The following ANKRD18B variants were observed in gnomAD, a reference collection of about 807,000 sequenced individuals.
ANKRD18B encodes ankyrin repeat domain-containing protein 18B.
A neutral mutation model predicts 111.8 loss-of-function variants in ANKRD18B; 75 were observed. The observed-to-expected ratio is 0.67, with a 90% confidence interval of 0.56 to 0.81. The LOEUF (loss-of-function observed/expected upper bound fraction) is 0.81. Among genes scored for constraint, ANKRD18B ranks in the 40% least tolerant of loss-of-function variants. The pLI, the probability that ANKRD18B is intolerant of heterozygous loss-of-function variation, is 0.00. For missense variants in ANKRD18B, 1,038 were observed against 1,225.5 expected (o/e 0.85, Z 2.28); for synonymous variants, 356 against 417.3 (o/e 0.85, Z 1.79).
rs371977538 is a variant in ANKRD18B, at chr9:33,529,063, A to G, written c.385A>G (p.Ile129Val). 3.5e-5 allele frequency: 56 copies of G among 1,612,110 alleles called. 1 individual carries two copies. In the East Asian group the frequency reaches 4.7e-4, roughly 13 times the overall value. Residue 129 changes from isoleucine to valine, a missense_variant, in exon 3 of 19, where the codon ATT (isoleucine) becomes GTT (valine). This residue lies in a region of ANKRD18B where 216 missense variants were observed against 205.1 expected (regional missense o/e 1.05). Transcript: ENST00000684830. The part of the protein sequence containing the change: ...ILLKRGANPN[I>V]KDIYGNTALH... ...CCTGAAACGTGGCGCCAATCCAAAC[A>G]TTAAGGATATCTACGGCAACACTGC...
intron 9 of ANKRD18B, among the ~76,000 whole-genome samples, chr9:33,542,236 A>G (rs1828289285): frequency 6.7e-6 from 1 of 150,102 alleles, no homozygotes; most frequent in African/African-American, 2.5e-5. Flanking sequence ...CAAAGACCTG[A>G]TGTGCAGCTC....
chr9:33,562,701 C>T (rs1344782236), intron 14 of ANKRD18B, among the ~76,000 whole-genome samples: 4 of 152,116 alleles, frequency 2.6e-5, no homozygotes, highest in East Asian at 1.9e-4. Context: ...TGCAAACAAA[C>T]GTGAAGTAAG....
chr9:33,568,996 A>G, intron 17 of ANKRD18B, 103 bp downstream of exon 17: 2 of 1,102,518 alleles, frequency 1.8e-6, no homozygotes, highest in South Asian at 4.3e-5. Flanking sequence ...TATGCATGTT[A>G]AGTAAAGATT....
chr9:33,532,644 A>G (rs1828134608), intron 3 of ANKRD18B, among the ~76,000 whole-genome samples: 1 of 152,152 alleles, frequency 6.6e-6, no homozygotes, highest in Admixed American at 6.5e-5. Context: ...TTTGAAGCCA[A>G]TCTCTCTTAA....
rs1271081373 is a variant in ANKRD18B at position 33,529,217 on chromosome 9, T to C, written c.495+44T>C. On this transcript the variant is annotated intron_variant, in intron 3 of 18. Coordinates refer to ENST00000684830, the MANE Select transcript of ANKRD18B (RefSeq NM_001393611.1). ...TCTTTTCAAAATGTTTGTTTTAATA[T>C]TGACATAGGTAAGAGTCAATTTTTC... 3 of 1,550,136 alleles carry C rather than the reference T, an allele frequency of 1.9e-6. No individual in the cohort carries two copies. In the South Asian group the frequency reaches 3.7e-5, roughly 19 times the overall value.
chr9:33,543,562 C>T (rs1201130297), intron 10 of ANKRD18B, among the ~76,000 whole-genome samples: 1 of 152,136 alleles, frequency 6.6e-6, no homozygotes, highest in African/African-American at 2.4e-5. Flanking sequence ...AGTTGTATTA[C>T]TAAGCAAGAG....
At chr9:33,541,770 T>C (rs1029144286) in intron 9 of ANKRD18B, among the ~76,000 whole-genome samples, 3 of 152,236 alleles carry the variant, frequency 2.0e-5, no homozygotes, top group African/African-American at 7.2e-5. Context: ...AATTATGCTT[T>C]TCTAATTTGT....
chr9:33,524,587 G>C lies in ANKRD18B; in HGVS notation c.98G>C (p.Trp33Ser). 6.4e-7 allele frequency: 1 copy of C among 1,551,542 alleles called. No individual in the cohort carries two copies. Among genetic ancestry groups the C allele is most frequent in the Non-Finnish European group, 8.7e-7 (1 of 1,146,860 alleles). ...YAGRGYHIRD[W>S]ELRKIHRAAI... Reference sequence around the variant, plus strand: ...GGTCGGGGGTACCACATTCGGGACTGGGAACTGCGGAAGATCCACAGGGCG... The same window carrying C: ...GGTCGGGGGTACCACATTCGGGACTCGGAACTGCGGAAGATCCACAGGGCG... The change falls in exon 1 of 19, where the codon TGG becomes TCG. Residue 33 changes from tryptophan to serine, a missense_variant. By Grantham distance (177) the Trp-to-Ser change is radical (BLOSUM62 -3). Around this residue, in one of 4 missense-constraint regions of ANKRD18B, gnomAD observed 216 missense variants for 205.1 expected, o/e 1.05. Coordinates refer to ENST00000684830, the MANE Select transcript of ANKRD18B (RefSeq NM_001393611.1).
Position 33,548,784 on chromosome 9 carries a change from G to T in ANKRD18B, c.1996G>T (p.Glu666Ter), listed in dbSNP as rs756629746. 4.0e-5 allele frequency: 62 copies of T among 1,540,568 alleles called. No homozygotes were observed. Among genetic ancestry groups the T allele is most frequent in the Non-Finnish European group, 7.0e-6 (8 of 1,142,876 alleles). The change falls in exon 11 of 19, where the codon GAA (glutamate) becomes TAA (stop). Residue 666 changes from glutamate to a stop codon, truncating the protein, a stop_gained. Transcript: ENST00000684830. LOFTEE classifies it high-confidence loss of function. ...KEDLLEERNK[E>*]LMNEYNYLKE... is the part of the protein sequence containing the mutation. ...AGATCTTCTAGAAGAAAGAAATAAG[G>T]AATTAATGAATGAATATAATTATTT...
intron 11 of ANKRD18B, 126 bp downstream of exon 11, chr9:33,548,981 C>T: frequency 5.0e-6 from 5 of 994,712 alleles, no homozygotes; most frequent in Non-Finnish European, 6.9e-6. Flanking sequence ...TGTATAATTC[C>T]ATTTACATGA....
At chr9:33,574,019 G>A (rs941731276), downstream of ANKRD18B, among the ~76,000 whole-genome samples, 3 of 144,532 alleles carry the variant, frequency 2.1e-5, no homozygotes, top group African/African-American at 7.3e-5. Context: ...TCTGGTCAGT[G>A]TGGGGCCTTA....
chr9:33,529,258 G>T, intron 3 of ANKRD18B, 85 bp downstream of exon 3: 2 of 1,449,070 alleles, frequency 1.4e-6, no homozygotes, highest in Admixed American at 2.8e-5. Context: ...TGGAACTCAA[G>T]TATTCCTGAA....
At chr9:33,527,069 T>C (rs1828034684) in intron 1 of ANKRD18B, among the ~76,000 whole-genome samples, 1 of 152,228 alleles carries the variant, frequency 6.6e-6, no homozygotes, top group Non-Finnish European at 1.5e-5. Context: ...AAAATGGGAA[T>C]AGTAGGACTT....
intron 10 of ANKRD18B, 53 bp downstream of exon 10, chr9:33,543,308 A>T: frequency 1.4e-6 from 2 of 1,441,428 alleles, no homozygotes; most frequent in Non-Finnish European, 1.9e-6. Flanking sequence ...GTTTTTCTTT[A>T]ATAACATAGC....
chr9:33,531,273 T>C (rs1398056642), intron 3 of ANKRD18B, among the ~76,000 whole-genome samples: 1 of 152,140 alleles, frequency 6.6e-6, no homozygotes, highest in Non-Finnish European at 1.5e-5. Flanking sequence ...ATTATGTATA[T>C]ATCAGGGCCT....
chr9:33,534,178 T>A (rs995071800), intron 4 of ANKRD18B, among the ~76,000 whole-genome samples, 192 bp from the exon 5 acceptor site: 9 of 152,144 alleles, frequency 5.9e-5, no homozygotes, highest in African/African-American at 2.2e-4. Flanking sequence ...TCCCTGCCTT[T>A]TAGCCTTGGT....
rs147016076 is a variant in ANKRD18B at position 33,534,412 on chromosome 9, C to T, written c.645C>T (p.Ile215=). The T allele has an allele frequency of 2.6e-4, 401 of 1,550,568 alleles. 3 individuals are homozygous for T. The East Asian group carries it at 8.6e-3, about 33-fold the overall frequency. The change falls in exon 5 of 19, where the codon ATC becomes ATT. Residue 215 remains isoleucine, a synonymous_variant. Transcript: ENST00000684830. ...CAGTACAGCATAACTTGTCAAGTAT[C>T]GTCACCCTCCTGCTTCAACAAAATA... ...ILAVQHNLSS[I]VTLLLQQNIH...
At chr9:33,534,632 T>TTAG in intron 5 of ANKRD18B, 125 bp downstream of exon 5, 1 of 1,263,472 alleles carries the variant, frequency 7.9e-7, no homozygotes, top group Non-Finnish European at 1.1e-6. Flanking sequence ...TGGCAACAAG[T>TTAG]TAGTCCACTT....
At chr9:33,575,018 G>T (rs1422262849), downstream of ANKRD18B, among the ~76,000 whole-genome samples, 1 of 152,206 alleles carries the variant, frequency 6.6e-6, no homozygotes, top group African/African-American at 2.4e-5. Context: ...AGACTCAGGT[G>T]AGTGGGACCT....
Sources: gnomAD v4.1 joint callset for allele counts (sites outside exome capture counted in the v4.1 genomes callset) on GRCh38, gnomAD v4.1.1 for gene constraint, gnomAD v4.1.1 regional missense constraint, MANE v1.5 for transcripts, NCBI Gene and HGNC (gene_info 2026-07-23, HGNC 2026-07-21) for gene names.